Variants in MX2 observed in about 807,000 individuals in gnomAD.
The protein encoded by MX2 is MX dynamin like GTPase 2, also known as interferon-induced GTP-binding protein Mx2.
A neutral mutation model predicts 74.0 loss-of-function variants in MX2; 51 were observed. The ratio of observed to expected loss-of-function variants is 0.69; its 90% CI spans 0.55 to 0.87. The LOEUF (loss-of-function observed/expected upper bound fraction) is 0.87, where lower values mean the gene tolerates loss of function less well. Among genes scored for constraint, MX2 ranks in the 40% least tolerant of loss-of-function variants. MX2 has a pLI of 0.00. For synonymous variants in MX2, 369 were observed against 339.3 expected, an observed-to-expected ratio of 1.09 and a Z score of -0.96; for missense variants, 832 against 908.7, an observed-to-expected ratio of 0.92 and a Z score of 1.09.
chr21:41,382,612 G>A (rs756069558), intron 5 of MX2, 48 bp downstream of exon 5: 23 of 1,610,200 alleles, frequency 1.4e-5, no homozygotes, highest in Middle Eastern at 1.7e-4. Context: ...AGTGGGGGAA[G>A]GGTCAGAGGT....
chr21:41,392,667 G>A (rs2089675901), intron 6 of MX2, among the ~76,000 whole-genome samples: 1 of 152,074 alleles, frequency 6.6e-6, no homozygotes, highest in Non-Finnish European at 1.5e-5. Flanking sequence ...TTCACTTTAC[G>A]TACACTTTAT....
At chr21:41,376,734 G>C in intron 1 of MX2, 102 bp from the exon 2 acceptor site, 2 of 815,170 alleles carry the variant, frequency 2.5e-6, no homozygotes, top group Non-Finnish European at 3.9e-6. Context: ...CTGTGTGTAG[G>C]GGGTAGGTTG....
intron 1 of MX2, among the ~76,000 whole-genome samples, chr21:41,372,337 A>T (rs432052): frequency 6.6e-6 from 1 of 151,634 alleles, no homozygotes; most frequent in Non-Finnish European, 1.5e-5. Flanking sequence ...ATGGCACTCA[A>T]GGACAGGTGT....
chr21:41,395,869 T>C, intron 7 of MX2, 84 bp downstream of exon 7: 1 of 1,362,868 alleles, frequency 7.3e-7, no homozygotes, highest in Non-Finnish European at 1.0e-6. Flanking sequence ...ATGACCAAAG[T>C]GTATGCACAA....
chr21:41,398,846 T>C lies in MX2; in HGVS notation c.1150-51T>C, dbSNP rs1253890084. The C allele has an allele frequency of 2.5e-6, 4 of 1,588,888 alleles. No individual in the cohort carries two copies. The Admixed American group carries it at 5.2e-5, about 21-fold the overall frequency. On this transcript the variant is annotated intron_variant, in intron 8 of 13. Coordinates refer to ENST00000330714, the MANE Select transcript of MX2 (RefSeq NM_002463.2). ...CCTACTCATATACCAAAGAAATCAG[T>C]TGGCCAATCTCTTAAGCCGCAGTTT...
intron 12 of MX2, among the ~76,000 whole-genome samples, chr21:41,405,701 C>CTTTTTT (rs58741218): frequency 3.0e-5 from 4 of 133,788 alleles, no homozygotes; most frequent in Non-Finnish European, 3.2e-5. Flanking sequence ...TCTTTCTTTC[C>CTTTTTT]TTTTTTTTTT....
At chr21:41,382,131 A>C (rs1179547592) in intron 4 of MX2, among the ~76,000 whole-genome samples, 1 of 152,238 alleles carries the variant, frequency 6.6e-6, no homozygotes, top group Non-Finnish European at 1.5e-5. Flanking sequence ...AAAAAGCAGG[A>C]AGAAAGAGAA....
chr21:41,406,161 T>C (rs369171190), intron 12 of MX2, among the ~76,000 whole-genome samples: 3 of 152,326 alleles, frequency 2.0e-5, no homozygotes, highest in Admixed American at 6.5e-5. Context: ...GCTAATTTTG[T>C]ATTTTTAGTA....
Position 41,388,613 on chromosome 21 carries a change from C to T in MX2, c.733-1952C>T, listed in dbSNP as rs897792848. ...GGCTCTGGGGGCGTATGCTCAATGC[C>T]GAGTCTCTGAACCCCAGGATGGGCC... On this transcript the variant is annotated intron_variant, in intron 5 of 13. Transcript: ENST00000330714. This position sits in a 1 kb window ranked among gnomAD's most constrained non-coding sequence, Gnocchi z 4.0. Among the ~76,000 whole-genome samples the T allele has an allele frequency of 2.6e-5, 4 of 152,158 alleles. No individual in the cohort carries two copies. Among genetic ancestry groups the T allele is most frequent in the Admixed American group, 1.3e-4 (2 of 15,282 alleles).
intron 2 of MX2, 71 bp from the exon 3 acceptor site, chr21:41,377,718 G>C (rs2089425140): frequency 8.7e-6 from 13 of 1,493,962 alleles, no homozygotes; most frequent in Non-Finnish European, 1.1e-5. Context: ...CACAAACTCT[G>C]CCACACATCT....
intron 1 of MX2, among the ~76,000 whole-genome samples, chr21:41,374,789 C>G (rs1163467581): frequency 6.6e-6 from 1 of 152,224 alleles, no homozygotes; most frequent in Non-Finnish European, 1.5e-5. Flanking sequence ...AAAGCCCCAG[C>G]ACTCTGGCTG....
intron 13 of MX2, among the ~76,000 whole-genome samples, chr21:41,407,520 C>G (rs1015287100): frequency 6.6e-6 from 1 of 152,166 alleles, no homozygotes; most frequent in African/African-American, 2.4e-5. Flanking sequence ...GAAAAAATAG[C>G]TTTTAAACTG....
Position 41,390,566 on chromosome 21 carries a change from T to A in MX2, c.734T>A (p.Ile245Asn). 2.5e-6 allele frequency: 4 copies of A among 1,614,078 alleles called. No homozygotes were observed. The highest frequency in any genetic ancestry group is 3.4e-6 in the Non-Finnish European group (4 of 1,179,984). Residue 245 changes from isoleucine to asparagine, a missense_variant and splice_region_variant, in exon 6 of 14, where the codon ATC becomes AAC. By Grantham distance (149) the Ile-to-Asn change is moderately radical (BLOSUM62 -3). Coordinates refer to ENST00000330714, the MANE Select transcript of MX2 (RefSeq NM_002463.2). ...CTTTGTGCGATTCTTTGGCATCAGA[T>A]CAAGGCTCTCATCAAGAAGTACATC... ...DNQPRDIGLQIKALIKKYIQR... is the reference protein window; with the variant it reads ...DNQPRDIGLQNKALIKKYIQR...
At chr21:41,400,625 C>T (rs1601430716) in intron 10 of MX2, among the ~76,000 whole-genome samples, 2 of 152,166 alleles carry the variant, frequency 1.3e-5, no homozygotes, top group Admixed American at 6.5e-5. Context: ...ACTTAACAAT[C>T]ATAGCAGAAA....
At chr21:41,375,901 TC>T (rs1182296866) in intron 1 of MX2, among the ~76,000 whole-genome samples, 1 of 152,210 alleles carries the variant, frequency 6.6e-6, no homozygotes, top group African/African-American at 2.4e-5. Flanking sequence ...CAGGCCCAGC[TC>T]TGAGTCCTGG....
chr21:41,406,676 C>T, intron 12 of MX2, 68 bp from the exon 13 acceptor site: 2 of 1,506,772 alleles, frequency 1.3e-6, no homozygotes, highest in Non-Finnish European at 1.8e-6. Flanking sequence ...AATAGTACTT[C>T]CAAATTTGTT....
rs2089512377 is a variant in MX2 at position 41,382,619 on chromosome 21, A to G, written c.732+55A>G. On this transcript the variant is annotated intron_variant, in intron 5 of 13. Transcript: ENST00000330714. ...TCTGCTGAAGTGGGGGAAGGGTCAG[A>G]GGTCCCCAGGGTCCTGGTGTACCTC... The G allele has an allele frequency of 2.5e-6, 4 of 1,606,596 alleles. No individual in the cohort carries two copies. The African/African-American group carries it at 4.0e-5, about 16-fold the overall frequency.
At chr21:41,386,163 T>C (rs1023978683) in intron 5 of MX2, among the ~76,000 whole-genome samples, 14 of 124,908 alleles carry the variant, frequency 1.1e-4, no homozygotes, top group Admixed American at 3.4e-4. Flanking sequence ...GAGCTTGCAG[T>C]GAGCTGAGAT....
chr21:41,402,076 G>A lies in MX2; in HGVS notation c.1521G>A (p.Gln507=). The A allele has an allele frequency of 6.2e-7, 1 of 1,614,162 alleles. No individual in the cohort carries two copies. Among genetic ancestry groups the A allele is most frequent in the Non-Finnish European group, 8.5e-7 (1 of 1,180,024 alleles). The change falls in exon 11 of 14, where the codon CAG becomes CAA. Residue 507 remains glutamine (Q), a synonymous_variant. Coordinates refer to ENST00000330714, the MANE Select transcript of MX2 (RefSeq NM_002463.2). The surrounding 1 kb of genome is among the most constrained non-coding windows in gnomAD (Gnocchi z 4.5). ...NYKTFEIIVH[Q]YIQQLVEPAL... ...AGACATTTGAGATCATCGTGCATCA[G>A]TACATCCAGCAGCTGGTGGAGCCCG...
Sources: gnomAD v4.1 joint callset for allele counts (sites outside exome capture counted in the v4.1 genomes callset) on GRCh38, gnomAD v4.1.1 for gene constraint, Gnocchi (gnomAD v3.1) non-coding constraint, MANE v1.5 for transcripts, NCBI Gene and HGNC (gene_info 2026-07-23, HGNC 2026-07-21) for gene names.